Variants in CACNA1A observed in about 807,000 individuals in gnomAD.
CACNA1A encodes the protein voltage-dependent P/Q-type calcium channel subunit alpha-1A.
In CACNA1A, 57 loss-of-function variants were observed where a neutral mutation model predicts 262.4. That is an observed-to-expected ratio of 0.22 (90% CI 0.18 to 0.27). The LOEUF is 0.27. Ranked by LOEUF, CACNA1A falls within the 10% of genes least tolerant of loss-of-function variation. The probability of loss-of-function intolerance (pLI) is 1.00; values close to 1 mark genes in which losing one functional copy is unlikely to be tolerated. For missense variants in CACNA1A, 2,526 were observed against 3,562.8 expected, an observed-to-expected ratio of 0.71 and a Z score of 7.41; for synonymous variants, 1,431 against 1,419.3, an observed-to-expected ratio of 1.01 and a Z score of -0.18.
At chr19:13,412,108 C>G (rs1336484185) in intron 3 of CACNA1A, among the ~76,000 whole-genome samples, 1 of 152,118 alleles carries the variant, frequency 6.6e-6, no homozygotes, top group Non-Finnish European at 1.5e-5. Context: ...CTCCCCACCT[C>G]CATGACCACA....
At chr19:13,318,285 T>C (rs1294809436) in intron 10 of CACNA1A, among the ~76,000 whole-genome samples, 8 of 152,144 alleles carry the variant, frequency 5.3e-5, no homozygotes, top group Admixed American at 1.3e-4. Context: ...TTTAAGGTCC[T>C]GAAGCATGAA....
chr19:13,413,106 T>G (rs1599396579), intron 3 of CACNA1A, among the ~76,000 whole-genome samples: 1 of 121,774 alleles, frequency 8.2e-6, no homozygotes, highest in Admixed American at 7.3e-5. Context: ...TTTTGTTTTT[T>G]TTTTTTGTTT....
Position 13,481,849 on chromosome 19 carries a change from A to G in CACNA1A, c.293+24083T>C, listed in dbSNP as rs117594498. 2.2e-3 allele frequency among the ~76,000 whole-genome samples: 331 copies of G among 152,082 alleles called. 1 individual carries two copies. Among genetic ancestry groups the G allele is most frequent in the Middle Eastern group, 3.4e-3 (1 of 294 alleles). On this transcript the variant is annotated intron_variant, in intron 1 of 46. Transcript: ENST00000360228. Reference sequence around the variant, plus strand: ...TGACTGCTTGGTTCAGGCAGCGATCACTTGCTTTCTGTTCTGACTCCATCA... The same window carrying G: ...TGACTGCTTGGTTCAGGCAGCGATCGCTTGCTTTCTGTTCTGACTCCATCA...
At chr19:13,334,148 G>A (rs1448825715) in intron 8 of CACNA1A, 3 of 511,594 alleles carry the variant, frequency 5.9e-6, no homozygotes, top group East Asian at 3.2e-5. Context: ...ATGTAAACCA[G>A]CGTCTGATTT....
At chr19:13,428,943 G>A (rs1186042118) in intron 3 of CACNA1A, among the ~76,000 whole-genome samples, 7 of 152,084 alleles carry the variant, frequency 4.6e-5, no homozygotes, top group African/African-American at 9.7e-5. Flanking sequence ...ATGGCCTTGA[G>A]GACGGCACAG....
rs756090706 is a variant in CACNA1A at position 13,506,121 on chromosome 19, C to T, written c.104G>A (p.Gly35Asp). The T allele has an allele frequency of 1.2e-6, 2 of 1,607,362 alleles. No individual in the cohort carries two copies. Among genetic ancestry groups the T allele is most frequent in the Non-Finnish European group, 8.5e-7 (1 of 1,177,080 alleles). ...VGSGGGRGAGGSRQGGQPGAQ... is the reference protein window; with the variant it reads ...VGSGGGRGAGDSRQGGQPGAQ... The stretch of plus-strand genomic sequence containing the variant: ...CCCGGGCTGCCCGCCCTGCCGGCTG[C>T]CCCCGGCTCCTCGCCCGCCTCCGCT... Residue 35 changes from glycine to aspartate, a missense_variant, in exon 1 of 47, where the codon GGC becomes GAC. Coordinates refer to ENST00000360228, the MANE Select transcript of CACNA1A (RefSeq NM_001127222.2).
At chr19:13,495,404 C>T (rs1981381997) in intron 1 of CACNA1A, among the ~76,000 whole-genome samples, 1 of 152,116 alleles carries the variant, frequency 6.6e-6, no homozygotes, top group South Asian at 2.1e-4. Flanking sequence ...TCATGCCATT[C>T]TCCTGCCTCA....
At chr19:13,208,688 G>A in intron 46 of CACNA1A, 68 bp downstream of exon 46, 2 of 1,487,164 alleles carry the variant, frequency 1.3e-6, no homozygotes. Context: ...TGTTGGATGG[G>A]GTATCCCCTT....
rs1568495538 is a variant in CACNA1A, at chr19:13,286,731, T to A, written c.3325A>T (p.Ile1109Phe). The A allele has an allele frequency of 1.9e-6, 3 of 1,599,350 alleles. No individual in the cohort carries two copies. Among genetic ancestry groups the A allele is most frequent in the Non-Finnish European group, 2.6e-6 (3 of 1,171,894 alleles). Residue 1109 changes from isoleucine to phenylalanine, a missense_variant, in exon 20 of 47, where the codon ATC (isoleucine) becomes TTC (phenylalanine). This residue lies in a region of CACNA1A where 765 missense variants were observed against 748.6 expected (regional missense o/e 1.02). Transcript: ENST00000360228. ...TGGGGGTTGGTGGCCATGGCAGGGA[T>A]GGCCAGCATGGGGCCGGGGTCGGTG... ...NSTDPGPMLA[I>F]PAMATNPQNA...
chr19:13,214,627 C>G lies in CACNA1A; in HGVS notation c.5732-19G>C. The G allele has an allele frequency of 6.3e-7, 1 of 1,592,518 alleles. No homozygotes were observed. The highest frequency in any genetic ancestry group is 1.1e-5 in the South Asian group (1 of 89,952). On this transcript the variant is annotated intron_variant, in intron 38 of 46. Coordinates refer to ENST00000360228, the MANE Select transcript of CACNA1A (RefSeq NM_001127222.2). The surrounding 1 kb of genome is among the most constrained non-coding windows in gnomAD (Gnocchi z 4.1). The stretch of plus-strand genomic sequence containing the variant: ...GCTCCTCCTGCAATGGGGGTGTAGA[C>G]AGACCCTGACTGCCTGCCTGGGTGT...
intron 43 of CACNA1A, chr19:13,211,870 C>T (rs2054825006): frequency 9.7e-6 from 5 of 514,544 alleles, no homozygotes; most frequent in Non-Finnish European, 1.4e-5. Context: ...CTGCCCTCTG[C>T]CCCAGGGGGA....
chr19:13,347,746 A>G (rs2058818948), intron 6 of CACNA1A, among the ~76,000 whole-genome samples: 1 of 152,140 alleles, frequency 6.6e-6, no homozygotes. Flanking sequence ...GTCTGCATAC[A>G]GTAGGCATTC....
intron 2 of CACNA1A, 87 bp downstream of exon 2, chr19:13,455,020 A>T: frequency 1.4e-6 from 1 of 723,488 alleles, no homozygotes. Flanking sequence ...CAGGACTGAG[A>T]GCCTCCTCTG....
intron 21 of CACNA1A, 112 bp downstream of exon 21, chr19:13,284,956 T>C (rs774830054): frequency 1.0e-4 from 100 of 998,016 alleles, no homozygotes; most frequent in Admixed American, 2.5e-4. Context: ...TTCAAAGGTA[T>C]CCCTGGACTC....
chr19:13,208,384 C>G (rs1449039438), intron 46 of CACNA1A, among the ~76,000 whole-genome samples: 1 of 152,090 alleles, frequency 6.6e-6, no homozygotes, highest in Non-Finnish European at 1.5e-5. Context: ...AAAAATTACT[C>G]ACAGGCGTCC....
chr19:13,356,449 G>C (rs947626778), intron 6 of CACNA1A, among the ~76,000 whole-genome samples: 2 of 152,202 alleles, frequency 1.3e-5, no homozygotes, highest in Non-Finnish European at 2.9e-5. Context: ...CTGAGTCTCT[G>C]CTCTTAACCA....
chr19:13,464,607 G>GGC (rs1158191664), intron 1 of CACNA1A, among the ~76,000 whole-genome samples: 6 of 146,064 alleles, frequency 4.1e-5, no homozygotes, highest in South Asian at 4.2e-4. Flanking sequence ...AGACTGCAGT[G>GGC]GTGCTATCTC....
chr19:13,410,784 A>G (rs28461424), intron 3 of CACNA1A, among the ~76,000 whole-genome samples: 46,419 of 152,008 alleles, frequency 0.31, 12,516 homozygotes, highest in African/African-American at 0.7. Context: ...TCAACACATC[A>G]GCATCAGTGG....
rs373658389 is a variant in CACNA1A at position 13,504,316 on chromosome 19, C to A, written c.293+1616G>T. On this transcript the variant is annotated intron_variant, in intron 1 of 46. Coordinates refer to ENST00000360228, the MANE Select transcript of CACNA1A (RefSeq NM_001127222.2). The stretch of plus-strand genomic sequence containing the variant: ...AAACTTAGGAAGCAAAGACCTGGCA[C>A]CTGCTTTGGGCACCAACGGAGATGG... Among the ~76,000 whole-genome samples, 89 of 152,288 alleles carry A rather than the reference C, an allele frequency of 5.8e-4. No homozygotes were observed. In the Middle Eastern group the frequency reaches 0.014, roughly 23 times the overall value.
Sources: allele counts gnomAD v4.1 joint callset (sites outside exome capture counted in the v4.1 genomes callset), GRCh38; gene constraint gnomAD v4.1.1; regional missense constraint gnomAD v4.1.1; non-coding constraint Gnocchi (gnomAD v3.1); transcripts MANE v1.5; gene names NCBI Gene and HGNC (gene_info 2026-07-23, HGNC 2026-07-21).